The following KHDRBS3 variants were observed in gnomAD, a reference collection of about 807,000 sequenced individuals.
KHDRBS3 encodes KH RNA binding domain containing, signal transduction associated 3.
A neutral mutation model predicts 45.6 loss-of-function variants in KHDRBS3; 23 were observed. The observed-to-expected ratio is 0.50, with a 90% CI of 0.36 to 0.72. The LOEUF is 0.72. KHDRBS3 is among the 30% of genes least tolerant of loss of function. KHDRBS3 has a pLI of 0.00. For synonymous variants in KHDRBS3, 162 were observed against 156.5 expected (o/e 1.04, Z -0.26); for missense variants, 352 against 424.8 (o/e 0.83, Z 1.51).
intron 1 of KHDRBS3, among the ~76,000 whole-genome samples, chr8:135,501,392 G>GT (rs1231793031): frequency 1.3e-5 from 2 of 152,098 alleles, no homozygotes; most frequent in Non-Finnish European, 2.9e-5. Context: ...TTTAGACAAA[G>GT]TTTTTTTCTT....
intron 2 of KHDRBS3, among the ~76,000 whole-genome samples, chr8:135,531,599 TA>T (rs1825481537): frequency 1.3e-5 from 2 of 152,126 alleles, no homozygotes; most frequent in African/African-American, 4.8e-5. Flanking sequence ...TAAATTTTAC[TA>T]AATAATATAG....
intron 7 of KHDRBS3, among the ~76,000 whole-genome samples, chr8:135,624,214 T>C (rs1398652514): frequency 4.6e-5 from 7 of 152,166 alleles, no homozygotes; most frequent in Admixed American, 4.6e-4. Flanking sequence ...TGCAGCATGG[T>C]CACCTGCCTG....
At chr8:135,513,944 T>G (rs1586641562) in intron 1 of KHDRBS3, among the ~76,000 whole-genome samples, 1 of 152,312 alleles carries the variant, frequency 6.6e-6, no homozygotes, top group East Asian at 1.9e-4. Context: ...TGTAATTTGC[T>G]TATTTTGATG....
chr8:135,535,263 TTATA>T (rs1269811799), intron 2 of KHDRBS3, among the ~76,000 whole-genome samples: 1 of 140,736 alleles, frequency 7.1e-6, no homozygotes, highest in Non-Finnish European at 1.5e-5. Flanking sequence ...ATATAAACTA[TTATA>T]TATAGTTAAA....
chr8:135,470,305 TG>T (rs201160337), intron 1 of KHDRBS3, among the ~76,000 whole-genome samples: 1 of 150,170 alleles, frequency 6.7e-6, no homozygotes. Context: ...CAAGTTTTAC[TG>T]GTTTTTTTTT....
rs59502823 is a variant in KHDRBS3, at chr8:135,515,365, T to TAAAAAAAAAAAAAAAAAAAA, written c.89-5854_89-5835dup. Among the ~76,000 whole-genome samples, 11 of 39,740 alleles carry TAAAAAAAAAAAAAAAAAAAA rather than the reference T, an allele frequency of 2.8e-4. 2 individuals carry two copies. Among genetic ancestry groups the TAAAAAAAAAAAAAAAAAAAA allele is most frequent in the Non-Finnish European group, 4.8e-4 (10 of 20,790 alleles). The allele number at this position is 39,740 out of a possible 152,430, so 26.1% of individuals were successfully genotyped here. A position where few individuals can be genotyped will look rare whatever the true frequency, so the allele number is the denominator to read the frequency against. ...TGGGCGACAGAGCGAGACTCCGTCT[T>TAAAAAAAAAAAAAAAAAAAA]AAAAAAAAAAAAAAAAAAAAAAAAA... On this transcript the variant is annotated intron_variant, in intron 1 of 8. Coordinates refer to ENST00000355849, the MANE Select transcript of KHDRBS3 (RefSeq NM_006558.3).
At chr8:135,510,835 A>C (rs1410296776) in intron 1 of KHDRBS3, among the ~76,000 whole-genome samples, 1 of 152,212 alleles carries the variant, frequency 6.6e-6, no homozygotes, top group African/African-American at 2.4e-5. Flanking sequence ...CATTCACTCT[A>C]AGTTGGGTTT....
chr8:135,526,094 G>A (rs1224359680), intron 2 of KHDRBS3, among the ~76,000 whole-genome samples: 1 of 152,004 alleles, frequency 6.6e-6, no homozygotes, highest in East Asian at 1.9e-4. Flanking sequence ...GGAACAATAG[G>A]CTATACCATA....
chr8:135,537,030 T>G (rs1281477954), intron 2 of KHDRBS3, among the ~76,000 whole-genome samples: 1 of 121,336 alleles, frequency 8.2e-6, no homozygotes, highest in Non-Finnish European at 1.7e-5. Flanking sequence ...CATTAACATA[T>G]AACTAATTAG....
intron 1 of KHDRBS3, among the ~76,000 whole-genome samples, chr8:135,499,026 T>C (rs1467948500): frequency 6.6e-6 from 1 of 152,234 alleles, no homozygotes; most frequent in Non-Finnish European, 1.5e-5. Context: ...TTAATATTTC[T>C]CATACCCTAC....
intron 6 of KHDRBS3, chr8:135,593,255 T>G (rs751162002): frequency 1.3e-4 from 20 of 152,274 alleles, no homozygotes; most frequent in Middle Eastern, 3.4e-3. Context: ...ATATTTTGGG[T>G]TGGCATGCCT....
At position 135,501,370 on chromosome 8, in the gene KHDRBS3, T is replaced by C. The variant is rs117216715; in HGVS notation, c.89-19867T>C. 6.8e-4 allele frequency among the ~76,000 whole-genome samples: 104 copies of C among 152,352 alleles called. 2 individuals are homozygous for C. In the East Asian group the frequency reaches 0.019, roughly 28 times the overall value. On this transcript the variant is annotated intron_variant, in intron 1 of 8. Coordinates refer to ENST00000355849, the MANE Select transcript of KHDRBS3 (RefSeq NM_006558.3). ...AGGCTACATAAAATACCAGTCATGA[T>C]ATGGATCATGTTTTAGACAAAGTTT...
intron 7 of KHDRBS3, among the ~76,000 whole-genome samples, chr8:135,609,784 T>C (rs1005582376): frequency 2.0e-5 from 3 of 151,798 alleles, no homozygotes; most frequent in Admixed American, 2.0e-4. Context: ...CTCTATTCCG[T>C]GTGTTGGACT....
intron 6 of KHDRBS3, among the ~76,000 whole-genome samples, chr8:135,600,240 G>A (rs1829148500): frequency 6.6e-6 from 1 of 152,202 alleles, no homozygotes; most frequent in Admixed American, 6.5e-5. Context: ...GGGAGGGAAG[G>A]GGTACAAGTG....
chr8:135,615,977 T>C, intron 7 of KHDRBS3, among the ~76,000 whole-genome samples: 1 of 152,188 alleles, frequency 6.6e-6, no homozygotes, highest in East Asian at 1.9e-4. Context: ...TTATTGAAAA[T>C]AAGAAGTTTT....
At chr8:135,530,977 T>G (rs976875863) in intron 2 of KHDRBS3, among the ~76,000 whole-genome samples, 8 of 152,210 alleles carry the variant, frequency 5.3e-5, no homozygotes, top group African/African-American at 1.9e-4. Context: ...TTTCATATCA[T>G]TCACCCCACT....
At chr8:135,463,099 T>TG (rs967909412) in intron 1 of KHDRBS3, among the ~76,000 whole-genome samples, 13 of 152,164 alleles carry the variant, frequency 8.5e-5, no homozygotes, top group African/African-American at 2.4e-4. Context: ...GCTCTTACGG[T>TG]GTGATCCTCA....
intron 1 of KHDRBS3, among the ~76,000 whole-genome samples, chr8:135,500,549 G>A (rs925534679): frequency 2.0e-5 from 3 of 152,164 alleles, no homozygotes; most frequent in Admixed American, 6.5e-5. Flanking sequence ...TTAACTATGG[G>A]CCTTGGCTGG....
At chr8:135,458,676 G>T (rs1319566489) in intron 1 of KHDRBS3, 1 of 360,396 alleles carries the variant, frequency 2.8e-6, no homozygotes, top group Non-Finnish European at 5.4e-6. Flanking sequence ...AAAGAGCACC[G>T]TTCCGGAGGG....
Sources: allele counts gnomAD v4.1 joint callset (sites outside exome capture counted in the v4.1 genomes callset), GRCh38; gene constraint gnomAD v4.1.1; transcripts MANE v1.5; gene names NCBI Gene and HGNC (gene_info 2026-07-23, HGNC 2026-07-21).